Variants in KMT2A observed in about 807,000 individuals in gnomAD.
KMT2A encodes lysine methyltransferase 2A, also known as histone-lysine N-methyltransferase 2A.
Under a neutral mutation model 345.3 loss-of-function variants are expected in KMT2A, and 16 were observed. The ratio of observed to expected loss-of-function variants is 0.05; its 90% CI spans 0.03 to 0.07. KMT2A has a LOEUF of 0.07. Among genes scored for constraint, KMT2A ranks in the 10% least tolerant of loss-of-function variants. The probability of loss-of-function intolerance (pLI) is 1.00; values close to 1 mark genes in which losing one functional copy is unlikely to be tolerated. For missense variants in KMT2A, 3,272 were observed against 4,841.6 expected (o/e 0.68, Z 9.62); for synonymous variants, 1,599 against 1,778.6 (o/e 0.90, Z 2.54).
chr11:118,499,446 G>A (rs782201274), intron 23 of KMT2A, 26 bp downstream of exon 23: 57 of 1,389,254 alleles, frequency 4.1e-5, no homozygotes, highest in Admixed American at 6.7e-5. Context: ...GGTTATTGGG[G>A]AAGGCTGTAT....
chr11:118,508,348 C>A (rs1198417969), intron 28 of KMT2A, among the ~76,000 whole-genome samples: 2 of 152,190 alleles, frequency 1.3e-5, no homozygotes, highest in African/African-American at 2.4e-5. Context: ...TTTTAAATCG[C>A]TGCCGCCAAT....
chr11:118,485,292 A>C (rs1950209205), intron 10 of KMT2A, among the ~76,000 whole-genome samples: 1 of 152,164 alleles, frequency 6.6e-6, no homozygotes, highest in Non-Finnish European at 1.5e-5. Context: ...ATTGATGGTT[A>C]TTTTATATTG....
chr11:118,495,609 G>T lies in KMT2A; in HGVS notation c.5364-91G>T. ...TATATTCTGTGAATGGCTCCTACAT[G>T]GGGCAACAGGTGATATCAAGAATTT... On this transcript the variant is annotated intron_variant, in intron 18 of 35. Transcript: ENST00000534358. The surrounding 1 kb of genome is among the most constrained non-coding windows in gnomAD (Gnocchi z 4.1). 1.0e-6 allele frequency: 1 copy of T among 967,806 alleles called. No homozygotes were observed. 60.0% of individuals were successfully genotyped at this position (967,806 alleles called of 1,614,324 possible). A position where few individuals can be genotyped will look rare whatever the true frequency, so the allele number is the denominator to read the frequency against.
At chr11:118,480,330 T>TA (rs1325825610) in intron 6 of KMT2A, 92 bp downstream of exon 6, 12 of 909,770 alleles carry the variant, frequency 1.3e-5, no homozygotes, top group Non-Finnish European at 1.9e-5. Context: ...CTTTTTTTTT[T>TA]AAAGTACAAC....
chr11:118,508,672 G>T (rs986924989), intron 28 of KMT2A, among the ~76,000 whole-genome samples: 2 of 150,976 alleles, frequency 1.3e-5, no homozygotes, highest in Admixed American at 6.6e-5. Context: ...GCAGCAAGCC[G>T]TGATTGCCAC....
Position 118,472,173 on chromosome 11 carries a change from T to C in KMT2A, c.1014T>C (p.Pro338=). 6.2e-7 allele frequency: 1 copy of C among 1,613,894 alleles called. No individual in the cohort carries two copies. The highest frequency in any genetic ancestry group is 8.5e-7 in the Non-Finnish European group (1 of 1,179,992). Residue 338 remains proline, a synonymous_variant, in exon 3 of 36, where the codon CCT becomes CCC. Transcript: ENST00000534358. The part of the protein sequence containing the change: ...QKVRKDKEGT[P]PLTKEDKTVV... ...TCCGGAAAGACAAGGAAGGAACACC[T>C]CCACTTACAAAAGAAGATAAGACAG... is the stretch of plus-strand genomic sequence containing the variant.
chr11:118,508,825 T>A (rs1458663143), intron 28 of KMT2A, among the ~76,000 whole-genome samples: 1 of 152,208 alleles, frequency 6.6e-6, no homozygotes, highest in African/African-American at 2.4e-5. Context: ...AACTTTAGAA[T>A]TGCTTCTGAC....
chr11:118,477,823 T>A (rs1950066849), intron 4 of KMT2A, 144 bp from the exon 5 acceptor site: 2 of 628,074 alleles, frequency 3.2e-6, no homozygotes, highest in Non-Finnish European at 5.3e-6. Flanking sequence ...TTGGCATTTT[T>A]AAACATTTAA....
rs201542632 is a variant in KMT2A at position 118,515,781 on chromosome 11, C to T, written c.11146+3756C>T. On this transcript the variant is annotated intron_variant, in intron 31 of 35. Coordinates refer to ENST00000534358, the MANE Select transcript of KMT2A (RefSeq NM_001197104.2). ...TTGGCTCACTGCAACCTCCGCCTCC[C>T]GGGTTCAAGCAATACTCCTGCCTCA... 8.6e-5 allele frequency among the ~76,000 whole-genome samples: 13 copies of T among 151,176 alleles called. No individual in the cohort carries two copies. The East Asian group carries it at 1.9e-3, about 23-fold the overall frequency.
intron 3 of KMT2A, among the ~76,000 whole-genome samples, chr11:118,474,740 C>G (rs1950003460): frequency 6.6e-6 from 1 of 152,012 alleles, no homozygotes; most frequent in South Asian, 2.1e-4. Flanking sequence ...TTTTACTATC[C>G]CCGATAGAAT....
chr11:118,447,737 G>A, intron 1 of KMT2A: 3 of 386,960 alleles, frequency 7.8e-6, no homozygotes, highest in South Asian at 1.9e-5. Context: ...AGAATGAAAG[G>A]TTAAGAGGCA....
chr11:118,481,688 G>T (rs374178581), intron 6 of KMT2A, 27 bp from the exon 7 acceptor site: 18 of 1,591,822 alleles, frequency 1.1e-5, no homozygotes, highest in East Asian at 2.2e-5. Context: ...ACTATAGACA[G>T]ATGATGTTGT....
chr11:118,517,478 T>C (rs1236687177), intron 31 of KMT2A, among the ~76,000 whole-genome samples: 2 of 152,096 alleles, frequency 1.3e-5, no homozygotes, highest in African/African-American at 2.4e-5. Context: ...TATACAGTTG[T>C]GTTACATAGT....
At chr11:118,486,827 G>T (rs1275010376) in intron 10 of KMT2A, among the ~76,000 whole-genome samples, 1 of 152,138 alleles carries the variant, frequency 6.6e-6, no homozygotes, top group Non-Finnish European at 1.5e-5. Context: ...GATCGAGGCT[G>T]CAGTGAGCCA....
rs781809083 is a variant in KMT2A at position 118,506,494 on chromosome 11, G to A, written c.10602G>A (p.Pro3534=). The change falls in exon 27 of 36, where the codon CCG becomes CCA. Residue 3534 remains proline, a synonymous_variant. Coordinates refer to ENST00000534358, the MANE Select transcript of KMT2A (RefSeq NM_001197104.2). ...SGQRSASPSV[P]GPTKPKPKTK... ...AGCGGTCAGCAAGCCCTTCAGTGCC[G>A]GGTCCCACTAAACCCAAACCAAAAA... is the stretch of plus-strand genomic sequence containing the variant. 7.4e-6 allele frequency: 12 copies of A among 1,614,024 alleles called. No individual in the cohort carries two copies. Among genetic ancestry groups the A allele is most frequent in the East Asian group, 4.5e-5 (2 of 44,896 alleles).
chr11:118,516,439 T>G (rs1455322359), intron 31 of KMT2A, among the ~76,000 whole-genome samples: 1 of 152,154 alleles, frequency 6.6e-6, no homozygotes, highest in Non-Finnish European at 1.5e-5. Flanking sequence ...CGGCACCAGC[T>G]GAGCAACACA....
chr11:118,525,797 T>C lies in KMT2A; in HGVS notation c.*3625T>C, dbSNP rs1193569088. ...TTTTTTAATAGAAATCAAGTTGTTTTTGTTTTTAAGGAAAAGCGGGTCATT... is the reference window on the plus strand; with the variant it reads ...TTTTTTAATAGAAATCAAGTTGTTTCTGTTTTTAAGGAAAAGCGGGTCATT... On this transcript the variant is annotated 3_prime_UTR_variant, in exon 36 of 36. Coordinates refer to ENST00000534358, the MANE Select transcript of KMT2A (RefSeq NM_001197104.2). 4.4e-6 allele frequency: 1 copy of C among 225,540 alleles called. No homozygotes were observed. The highest frequency in any genetic ancestry group is 2.2e-5 in the African/African-American group (1 of 44,878). The allele number at this position is 225,540 out of a possible 1,614,324, so 14.0% of individuals were successfully genotyped here.
rs1555050381 is a variant in KMT2A, at chr11:118,512,458, C to T, written c.11146+433C>T. The T allele has an allele frequency of 2.9e-5, 5 of 172,980 alleles. 1 individual carries two copies. Among genetic ancestry groups the T allele is most frequent in the South Asian group, 3.2e-4 (2 of 6,278 alleles). The allele number at this position is 172,980 out of a possible 1,614,324, so 10.7% of individuals were successfully genotyped here. On this transcript the variant is annotated intron_variant, in intron 31 of 35. Coordinates refer to ENST00000534358, the MANE Select transcript of KMT2A (RefSeq NM_001197104.2). ...GTTCTTCCCTTCTGTTACATCTTCCCTTCCACATCAGTACTTCATTCCTTT... is the reference window on the plus strand; with the variant it reads ...GTTCTTCCCTTCTGTTACATCTTCCTTTCCACATCAGTACTTCATTCCTTT...
In KMT2A at chr11:118,436,819, C is replaced by T. The variant is rs2134154584; in HGVS notation, c.307C>T (p.Pro103Ser). The T allele has an allele frequency of 6.2e-7, 1 of 1,608,926 alleles. No individual in the cohort carries two copies. Among genetic ancestry groups the T allele is most frequent in the Non-Finnish European group, 8.5e-7 (1 of 1,178,072 alleles). The change falls in exon 1 of 36, where the codon CCG becomes TCG. Residue 103 changes from proline to serine, a missense_variant. Physicochemically the swap from Pro to Ser is moderately conservative, Grantham distance 74 (BLOSUM62 -1). This residue lies in a region of KMT2A where 412 missense variants were observed against 511.0 expected (regional missense o/e 0.81). Transcript: ENST00000534358. The surrounding 1 kb of genome is among the most constrained non-coding windows in gnomAD (Gnocchi z 6.9). Reference sequence around the variant, plus strand: ...GTCATCGTCCTCAGCCTCTTCAGGGCCGGCCCTGCTCCGGGTGGGCCCGGG... The same window carrying T: ...GTCATCGTCCTCAGCCTCTTCAGGGTCGGCCCTGCTCCGGGTGGGCCCGGG... ...SSSSSSASSG[P>S]ALLRVGPGFD...
Sources: gnomAD v4.1 joint callset for allele counts (sites outside exome capture counted in the v4.1 genomes callset) on GRCh38, gnomAD v4.1.1 for gene constraint, gnomAD v4.1.1 regional missense constraint, Gnocchi (gnomAD v3.1) non-coding constraint, MANE v1.5 for transcripts, NCBI Gene and HGNC (gene_info 2026-07-23, HGNC 2026-07-21) for gene names.